RGS6: variants seen among roughly 807,000 people sequenced by gnomAD.
RGS6 encodes the protein regulator of G protein signaling 6, also known as regulator of G-protein signaling 6.
A neutral mutation model predicts 78.5 loss-of-function variants in RGS6; 30 were observed. The observed-to-expected ratio is 0.38, with a 90% CI of 0.29 to 0.52. The LOEUF (loss-of-function observed/expected upper bound fraction) is 0.52. Ranked by LOEUF, RGS6 falls within the 20% of genes least tolerant of loss-of-function variation. The probability of loss-of-function intolerance (pLI) is 0.85; values close to 1 mark genes in which losing one functional copy is unlikely to be tolerated. For missense variants in RGS6, 495 were observed against 609.7 expected, an observed-to-expected ratio of 0.81 and a Z score of 1.98; for synonymous variants, 206 against 206.0, an observed-to-expected ratio of 1.00 and a Z score of 0.00.
At chr14:72,317,772 A>C (rs2070731582) in intron 2 of RGS6, among the ~76,000 whole-genome samples, 1 of 152,160 alleles carries the variant, frequency 6.6e-6, no homozygotes, top group Non-Finnish European at 1.5e-5. Flanking sequence ...TTCCTCTTGA[A>C]AATCATTGTA....
At chr14:72,028,511 G>A (rs191049838) in intron 2 of RGS6, among the ~76,000 whole-genome samples, 30 of 152,318 alleles carry the variant, frequency 2.0e-4, no homozygotes, top group African/African-American at 7.2e-4. Flanking sequence ...TCTGGTAATA[G>A]CATGCTAATG....
chr14:72,316,713 T>C (rs1196657527), intron 2 of RGS6, among the ~76,000 whole-genome samples: 1 of 152,228 alleles, frequency 6.6e-6, no homozygotes, highest in East Asian at 1.9e-4. Context: ...TGCCTGCCAT[T>C]GCATTCCTTA....
intron 17 of RGS6, among the ~76,000 whole-genome samples, chr14:72,551,619 C>A (rs565204457): frequency 1.9e-4 from 29 of 152,304 alleles, no homozygotes; most frequent in African/African-American, 7.0e-4. Context: ...AAGCTAAGTT[C>A]GAGACAGGCA....
chr14:72,522,069 T>C (rs979145489), intron 15 of RGS6, among the ~76,000 whole-genome samples: 2 of 152,228 alleles, frequency 1.3e-5, no homozygotes, highest in Non-Finnish European at 2.9e-5. Context: ...CTGCTCAGGC[T>C]GCTACCACAA....
the RGS6 span, among the ~76,000 whole-genome samples, chr14:72,617,132 C>T: frequency 1.3e-5 from 2 of 152,136 alleles, no homozygotes. Context: ...GGGCTGAGAT[C>T]GAACAGGGCT....
chr14:72,061,843 G>A (rs1236981668), intron 2 of RGS6, among the ~76,000 whole-genome samples: 10 of 152,156 alleles, frequency 6.6e-5, no homozygotes, highest in Admixed American at 6.5e-4. Context: ...GGCTAATATT[G>A]GTGAAATTGC....
At chr14:72,556,082 C>G (rs2097571063) in intron 17 of RGS6, among the ~76,000 whole-genome samples, 1 of 151,408 alleles carries the variant, frequency 6.6e-6, no homozygotes, top group Non-Finnish European at 1.5e-5. Flanking sequence ...GGCAACTCTT[C>G]TTTTGTAGAT....
intron 4 of RGS6, 25 bp downstream of exon 4, chr14:72,454,603 T>C: frequency 6.2e-7 from 1 of 1,606,958 alleles, no homozygotes; most frequent in Non-Finnish European, 8.5e-7. Context: ...ACCCCACCCT[T>C]ATCTCCCCTG....
intron 17 of RGS6, chr14:72,550,390 C>T (rs2097486983): frequency 9.8e-6 from 13 of 1,331,316 alleles, no homozygotes; most frequent in Admixed American, 2.0e-5. Context: ...CCATTCCACA[C>T]CATGCCCCTG....
At chr14:72,371,900 C>G (rs777431746) in intron 3 of RGS6, among the ~76,000 whole-genome samples, 8 of 152,202 alleles carry the variant, frequency 5.3e-5, no homozygotes, top group African/African-American at 1.9e-4. Flanking sequence ...CAGTGGACAT[C>G]ATGCTCTGGA....
intron 2 of RGS6, among the ~76,000 whole-genome samples, chr14:72,178,336 C>T (rs1485164909): frequency 1.3e-5 from 2 of 152,212 alleles, no homozygotes; most frequent in Non-Finnish European, 2.9e-5. Flanking sequence ...AAGAACCCAG[C>T]CTTCTGCAGG....
At chr14:72,060,968 A>C (rs7154426) in intron 2 of RGS6, among the ~76,000 whole-genome samples, 106,959 of 151,958 alleles carry the variant, frequency 0.7, 37,752 homozygotes, top group East Asian at 0.83. Context: ...ACCTGTTATC[A>C]TGGAGAAGTT....
At chr14:72,592,576 T>C in the RGS6 span, among the ~76,000 whole-genome samples, 21 of 152,188 alleles carry the variant, frequency 1.4e-4, no homozygotes, top group African/African-American at 2.2e-4. Context: ...CACACCTACA[T>C]TGAGGGTATA....
chr14:72,399,707 C>T (rs1447578066), intron 3 of RGS6, among the ~76,000 whole-genome samples: 1 of 152,024 alleles, frequency 6.6e-6, no homozygotes, highest in Non-Finnish European at 1.5e-5. Flanking sequence ...CCTTCAGGAG[C>T]TCTTTTAGGG....
intron 1 of RGS6, among the ~76,000 whole-genome samples, chr14:71,938,791 TTGA>T (rs1259212260): frequency 1.3e-5 from 2 of 152,210 alleles, no homozygotes; most frequent in Non-Finnish European, 1.5e-5. Flanking sequence ...GCATGGTGAC[TTGA>T]TGACCCAGTC....
At chr14:72,015,513 C>G (rs1054210944) in intron 2 of RGS6, among the ~76,000 whole-genome samples, 1 of 152,298 alleles carries the variant, frequency 6.6e-6, no homozygotes, top group South Asian at 2.1e-4. Flanking sequence ...AGAGAAAGTT[C>G]AGATGCTTTC....
In RGS6 at chr14:72,346,848, G is replaced by A. The variant is rs146345985; in HGVS notation, c.85-5247G>A. On this transcript the variant is annotated intron_variant, in intron 2 of 17. Transcript: ENST00000553525. ...AGGATTGCTTCTCCTCACTCCTCTC[G>A]CACACTCTTGAGGCTATTTCAGTGA... 2.9e-4 allele frequency among the ~76,000 whole-genome samples: 44 copies of A among 152,178 alleles called. 1 individual carries two copies. In the East Asian group the frequency reaches 6.6e-3, roughly 23 times the overall value.
chr14:72,452,792 T>C (rs2095529061), intron 3 of RGS6, among the ~76,000 whole-genome samples: 1 of 152,242 alleles, frequency 6.6e-6, no homozygotes, highest in South Asian at 2.1e-4. Flanking sequence ...GTGAGATCTT[T>C]GGGTGGCAAA....
chr14:72,317,763 T>G (rs1260477512), intron 2 of RGS6, among the ~76,000 whole-genome samples: 1 of 152,122 alleles, frequency 6.6e-6, no homozygotes, highest in Non-Finnish European at 1.5e-5. Flanking sequence ...CTTCCCAGTT[T>G]CCTCTTGAAA....
Sources: allele counts gnomAD v4.1 joint callset (sites outside exome capture counted in the v4.1 genomes callset), GRCh38; gene constraint gnomAD v4.1.1; transcripts MANE v1.5; gene names NCBI Gene and HGNC (gene_info 2026-07-23, HGNC 2026-07-21).